CSMD3: variants seen among roughly 807,000 people sequenced by gnomAD.
CSMD3 encodes the protein CUB and Sushi multiple domains 3.
In CSMD3, 177 loss-of-function variants were observed where a neutral mutation model predicts 435.2. That is an observed-to-expected ratio of 0.41 (90% CI 0.36 to 0.46). The LOEUF is 0.46. Ranked by LOEUF, CSMD3 falls within the 20% of genes least tolerant of loss-of-function variation. CSMD3 has a pLI of 0.34. For missense variants in CSMD3, 4,265 were observed against 4,504.6 expected (o/e 0.95, Z 1.52); for synonymous variants, 1,656 against 1,520.5 (o/e 1.09, Z -2.07).
At chr8:112,626,866 G>A (rs140431885) in intron 22 of CSMD3, among the ~76,000 whole-genome samples, 34 of 152,096 alleles carry the variant, frequency 2.2e-4, no homozygotes, top group East Asian at 5.8e-4. Context: ...TAATTCTTAC[G>A]ACTTATAGCA....
chr8:113,079,608 GTCT>G (rs1010121445), intron 5 of CSMD3, among the ~76,000 whole-genome samples: 20 of 152,180 alleles, frequency 1.3e-4, no homozygotes, highest in African/African-American at 3.9e-4. Context: ...TGAAACCTCA[GTCT>G]TCTTGTAGAA....
At chr8:112,520,188 G>T (rs1824124517) in intron 27 of CSMD3, among the ~76,000 whole-genome samples, 1 of 152,018 alleles carries the variant, frequency 6.6e-6, no homozygotes, top group Non-Finnish European at 1.5e-5. Flanking sequence ...ATTCAGAATA[G>T]AGACCAATAA....
chr8:112,475,447 T>G (rs375662342), intron 31 of CSMD3, among the ~76,000 whole-genome samples: 1 of 152,082 alleles, frequency 6.6e-6, no homozygotes, highest in African/African-American at 2.4e-5. Context: ...TAAACATAAT[T>G]TTATGTTTAT....
chr8:113,027,649 ATAT>A (rs1432335293), intron 5 of CSMD3, among the ~76,000 whole-genome samples: 2 of 152,158 alleles, frequency 1.3e-5, no homozygotes, highest in African/African-American at 4.8e-5. Flanking sequence ...CAGAAGCAAG[ATAT>A]TACAAAGTAG....
At chr8:112,549,004 G>C (rs906112864) in intron 27 of CSMD3, among the ~76,000 whole-genome samples, 1 of 151,988 alleles carries the variant, frequency 6.6e-6, no homozygotes, top group Non-Finnish European at 1.5e-5. Flanking sequence ...TCCCAGAAAT[G>C]CATCTAAAAT....
intron 3 of CSMD3, among the ~76,000 whole-genome samples, chr8:113,253,883 G>A (rs1409527929): frequency 2.6e-5 from 4 of 151,386 alleles, no homozygotes; most frequent in African/African-American, 4.9e-5. Flanking sequence ...TTATGTCCTC[G>A]CTGTGACAGT....
At chr8:112,775,818 T>TTTTTCAGAGG (rs1587257262) in intron 13 of CSMD3, among the ~76,000 whole-genome samples, 1 of 151,948 alleles carries the variant, frequency 6.6e-6, no homozygotes, top group East Asian at 1.9e-4. Context: ...GCATAAAATA[T>TTTTTCAGAGG]ACATATTTAG....
intron 25 of CSMD3, among the ~76,000 whole-genome samples, chr8:112,554,642 T>G (rs1827963836): frequency 6.6e-6 from 1 of 151,966 alleles, no homozygotes; most frequent in Admixed American, 6.6e-5. Flanking sequence ...TATAAAATAT[T>G]ACCTGGCATT....
intron 1 of CSMD3, among the ~76,000 whole-genome samples, chr8:113,407,267 T>C (rs745869948): frequency 6.6e-6 from 1 of 152,178 alleles, no homozygotes; most frequent in Non-Finnish European, 1.5e-5. Flanking sequence ...ATATGTCTTT[T>C]GCTCACTATG....
chr8:112,671,288 C>T (rs1424756048), intron 16 of CSMD3, among the ~76,000 whole-genome samples: 1 of 151,900 alleles, frequency 6.6e-6, no homozygotes, highest in Non-Finnish European at 1.5e-5. Flanking sequence ...CATTTTCTCC[C>T]AGCCTCTTAC....
intron 3 of CSMD3, among the ~76,000 whole-genome samples, chr8:113,261,500 G>A (rs2093426968): frequency 6.6e-6 from 1 of 152,038 alleles, no homozygotes; most frequent in Non-Finnish European, 1.5e-5. Flanking sequence ...CAACTCTTCA[G>A]TGAACTACCT....
At chr8:113,227,510 C>T (rs890415213) in intron 3 of CSMD3, among the ~76,000 whole-genome samples, 2 of 151,616 alleles carry the variant, frequency 1.3e-5, no homozygotes, top group African/African-American at 2.4e-5. Context: ...TCTTTTTCCC[C>T]ACTCAAATCT....
intron 61 of CSMD3, among the ~76,000 whole-genome samples, chr8:112,262,576 T>G (rs1816524485): frequency 6.6e-6 from 1 of 152,054 alleles, no homozygotes; most frequent in African/African-American, 2.4e-5. Context: ...GTGTTATATG[T>G]CAGTGATGAA....
intron 45 of CSMD3, 44 bp downstream of exon 45, chr8:112,335,285 T>C (rs1199980432): frequency 6.3e-7 from 1 of 1,587,084 alleles, no homozygotes. Flanking sequence ...CCAGGACAAA[T>C]TAAACAGTAG....
chr8:113,287,883 A>G (rs2093658133), intron 2 of CSMD3, among the ~76,000 whole-genome samples: 1 of 151,972 alleles, frequency 6.6e-6, no homozygotes, highest in Non-Finnish European at 1.5e-5. Flanking sequence ...TTGACCATCA[A>G]AAGCCAGCCT....
intron 1 of CSMD3, among the ~76,000 whole-genome samples, chr8:113,328,040 T>C (rs1052904810): frequency 6.6e-6 from 1 of 151,880 alleles, no homozygotes; most frequent in African/African-American, 2.4e-5. Flanking sequence ...AACTTGTAAA[T>C]TGTTATAATG....
chr8:113,272,144 G>T (rs1042644844), intron 3 of CSMD3, among the ~76,000 whole-genome samples: 1 of 152,094 alleles, frequency 6.6e-6, no homozygotes, highest in Non-Finnish European at 1.5e-5. Context: ...AGGTGCAAGC[G>T]ACTTACCTTG....
chr8:113,030,062 AC>A (rs2131231544), intron 5 of CSMD3, among the ~76,000 whole-genome samples: 1 of 151,540 alleles, frequency 6.6e-6, no homozygotes, highest in South Asian at 2.1e-4. Flanking sequence ...TTAGGAATAC[AC>A]CAAACCAAGG....
intron 1 of CSMD3, among the ~76,000 whole-genome samples, chr8:113,369,921 T>C (rs1446724513): frequency 1.3e-5 from 2 of 151,694 alleles, no homozygotes; most frequent in East Asian, 1.9e-4. Flanking sequence ...CAGTGGGGGA[T>C]TGGGAGATGT....
Sources: allele counts gnomAD v4.1 joint callset (sites outside exome capture counted in the v4.1 genomes callset), GRCh38; gene constraint gnomAD v4.1.1; transcripts MANE v1.5; gene names NCBI Gene and HGNC (gene_info 2026-07-23, HGNC 2026-07-21).